Variants in COLGALT1 observed in about 807,000 individuals in gnomAD.
COLGALT1 encodes the protein collagen beta(1-O)galactosyltransferase 1, also known as procollagen galactosyltransferase 1.
In COLGALT1, 43 loss-of-function variants were observed where a neutral mutation model predicts 60.8. The ratio of observed to expected loss-of-function variants is 0.71; its 90% CI spans 0.55 to 0.91. The LOEUF (loss-of-function observed/expected upper bound fraction) is 0.91. Among genes scored for constraint, COLGALT1 ranks in the 40% least tolerant of loss-of-function variants. COLGALT1 has a pLI of 0.00. For synonymous variants in COLGALT1, 369 were observed against 374.2 expected, an observed-to-expected ratio of 0.99 and a Z score of 0.16; for missense variants, 845 against 880.0, an observed-to-expected ratio of 0.96 and a Z score of 0.50.
At chr19:17,574,615 T>A (rs1238610192) in intron 6 of COLGALT1, among the ~76,000 whole-genome samples, 2 of 152,042 alleles carry the variant, frequency 1.3e-5, no homozygotes, top group Non-Finnish European at 2.9e-5. Context: ...CAGGCGTGTG[T>A]CACTGCGCCT....
In COLGALT1 at chr19:17,572,611, G is replaced by A. The variant is rs963756273; in HGVS notation, c.949+9G>A. Reference sequence around the variant, plus strand: ...GCAGCTGGAGGTCATGGGTGAGTCTGCCTGCACACCGCCCTGGGAGGTGCC... The same window carrying A: ...GCAGCTGGAGGTCATGGGTGAGTCTACCTGCACACCGCCCTGGGAGGTGCC... On this transcript the variant is annotated intron_variant, in intron 6 of 11. Transcript: ENST00000252599. 2.4e-5 allele frequency: 39 copies of A among 1,613,518 alleles called. No individual in the cohort carries two copies. Among genetic ancestry groups the A allele is most frequent in the South Asian group, 8.8e-5 (8 of 91,094 alleles).
intron 6 of COLGALT1, among the ~76,000 whole-genome samples, 180 bp downstream of exon 6, chr19:17,572,782 G>C (rs2076320673): frequency 6.6e-6 from 1 of 152,244 alleles, no homozygotes; most frequent in Admixed American, 6.5e-5. Flanking sequence ...ACAGAGTGCT[G>C]GTTTGCAGGT....
rs977052481 is a variant in COLGALT1 at position 17,577,564 on chromosome 19, G to A, written c.1133+97G>A. On this transcript the variant is annotated intron_variant, in intron 8 of 11. Transcript: ENST00000252599. The stretch of plus-strand genomic sequence containing the variant: ...GCAAGTGATTCAGATGGGGGCGGGC[G>A]TGGTGTCCAAACAGATGTAGACCTC... 5.6e-5 allele frequency: 65 copies of A among 1,158,684 alleles called. No individual in the cohort carries two copies. The African/African-American group carries it at 6.4e-4, about 11-fold the overall frequency. 71.8% of individuals were successfully genotyped at this position (1,158,684 alleles called of 1,614,324 possible).
intron 5 of COLGALT1, 90 bp from the exon 6 acceptor site, chr19:17,572,393 G>A (rs761960452): frequency 5.7e-6 from 9 of 1,592,108 alleles, no homozygotes; most frequent in East Asian, 2.2e-5. Flanking sequence ...ATCCTCCTGC[G>A]TTGGCCTCCT....
intron 3 of COLGALT1, among the ~76,000 whole-genome samples, chr19:17,564,703 C>T (rs2076270503): frequency 6.6e-6 from 1 of 152,146 alleles, no homozygotes; most frequent in African/African-American, 2.4e-5. Flanking sequence ...AGGCGTGAGC[C>T]ACCGCCCCTG....
chr19:17,577,003 T>TGAGAGGAAG, intron 6 of COLGALT1, 192 bp from the exon 7 acceptor site: 1 of 587,590 alleles, frequency 1.7e-6, no homozygotes, highest in Non-Finnish European at 3.0e-6. Context: ...TGGCCAGGGC[T>TGAGAGGAAG]TTGGGCTGCT....
At chr19:17,561,631 C>CA (rs11332403) in intron 3 of COLGALT1, among the ~76,000 whole-genome samples, 1,398 of 72,562 alleles carry the variant, frequency 0.019, 65 homozygotes, top group East Asian at 0.033. Flanking sequence ...GACTCTGTCT[C>CA]AAAAAAAAAA....
At chr19:17,580,985 C>A in intron 11 of COLGALT1, 80 bp downstream of exon 11, 1 of 1,535,022 alleles carries the variant, frequency 6.5e-7, no homozygotes, top group Non-Finnish European at 8.9e-7. Context: ...GACTCACGGC[C>A]TCCGAGAAGA....
In COLGALT1 at chr19:17,555,680, G is replaced by A. The variant is rs2076205445; in HGVS notation, c.-34G>A. 2.5e-6 allele frequency: 3 copies of A among 1,177,852 alleles called. No homozygotes were observed. The highest frequency in any genetic ancestry group is 9.1e-5 in the Admixed American group (2 of 21,904). 73.0% of individuals were successfully genotyped at this position (1,177,852 alleles called of 1,614,324 possible). A position where few individuals can be genotyped will look rare whatever the true frequency, so the allele number is the denominator to read the frequency against. On this transcript the variant is annotated 5_prime_UTR_variant, in exon 1 of 12. Transcript: ENST00000252599. Reference sequence around the variant, plus strand: ...TTTAAGGCGCGGCCAGAGTCCTCCCGCAGAAAAACGACTTAAAGGAGACGC... The same window carrying A: ...TTTAAGGCGCGGCCAGAGTCCTCCCACAGAAAAACGACTTAAAGGAGACGC...
At chr19:17,577,054 A>C in intron 6 of COLGALT1, 141 bp from the exon 7 acceptor site, 2 of 640,154 alleles carry the variant, frequency 3.1e-6, no homozygotes, top group Non-Finnish European at 5.3e-6. Flanking sequence ...CCTAGAGGGC[A>C]GCGCTGATGT....
intron 6 of COLGALT1, among the ~76,000 whole-genome samples, chr19:17,573,713 A>T (rs1199660445): frequency 4.6e-5 from 7 of 152,018 alleles, no homozygotes; most frequent in South Asian, 4.2e-4. Flanking sequence ...ATAATAATAA[A>T]AAATAATTAT....
At position 17,555,899 on chromosome 19, in the gene COLGALT1, C is replaced by T. The variant is rs563277874; in HGVS notation, c.186C>T (p.Asn62=). Residue 62 remains asparagine, a synonymous_variant, in exon 1 of 12, where the codon AAC becomes AAT. Transcript: ENST00000252599. The part of the protein sequence containing the change: ...PRVLIALLAR[N]AAHALPTTLG... ...TGCTCATCGCGCTGTTGGCGCGAAA[C>T]GCGGCCCACGCGTTGCCCACCACGC... is the stretch of plus-strand genomic sequence containing the variant. 10 of 1,393,528 alleles carry T rather than the reference C, an allele frequency of 7.2e-6. No individual in the cohort carries two copies. The African/African-American group carries it at 1.2e-4, about 17-fold the overall frequency. 86.3% of individuals were successfully genotyped at this position (1,393,528 alleles called of 1,614,324 possible).
At position 17,555,982 on chromosome 19, in the gene COLGALT1, AG is replaced by A. The variant is rs2076208447; in HGVS notation, c.260+10del. On this transcript the variant is annotated intron_variant, in intron 1 of 11. Coordinates refer to ENST00000252599, the MANE Select transcript of COLGALT1 (RefSeq NM_024656.4). The stretch of plus-strand genomic sequence containing the variant: ...GAGCGCACGGCGCTATGGTGAGTCG[AG>A]CCCGCTGTCCCCATCAGGCGGGTCA... 4 of 1,328,900 alleles carry A rather than the reference AG, an allele frequency of 3.0e-6. No individual in the cohort carries two copies. The highest frequency in any genetic ancestry group is 3.1e-5 in the East Asian group (1 of 31,996). The allele number at this position is 1,328,900 out of a possible 1,614,324, so 82.3% of individuals were successfully genotyped here. A position where few individuals can be genotyped will look rare whatever the true frequency, so the allele number is the denominator to read the frequency against.
intron 4 of COLGALT1, 144 bp downstream of exon 4, chr19:17,567,684 AC>A: frequency 1.1e-6 from 1 of 880,128 alleles, no homozygotes. Context: ...CACACCTGTA[AC>A]CCCAGCACTT....
At chr19:17,567,625 C>T (rs886300126) in intron 4 of COLGALT1, 85 bp downstream of exon 4, 13 of 1,443,606 alleles carry the variant, frequency 9.0e-6, no homozygotes, top group South Asian at 2.5e-5. Context: ...CACACAACCT[C>T]GTGGTGTGTG....
At chr19:17,578,140 G>A (rs780735696) in intron 9 of COLGALT1, 51 bp downstream of exon 9, 9 of 1,495,186 alleles carry the variant, frequency 6.0e-6, no homozygotes, top group African/African-American at 2.8e-5. Context: ...AGATCTCATC[G>A]GAGATTTGGA....
At position 17,574,863 on chromosome 19, in the gene COLGALT1, C is replaced by G. The variant is rs114192308; in HGVS notation, c.949+2261C>G. ...AAGTTCTCACATATATTTGTGTTGTCATTTCCTTTTTTTGAGACAGAGTCT... is the reference window on the plus strand; with the variant it reads ...AAGTTCTCACATATATTTGTGTTGTGATTTCCTTTTTTTGAGACAGAGTCT... On this transcript the variant is annotated intron_variant, in intron 6 of 11. Transcript: ENST00000252599. Among the ~76,000 whole-genome samples, 331 of 151,836 alleles carry G rather than the reference C, an allele frequency of 2.2e-3. 1 individual carries two copies. The highest frequency in any genetic ancestry group is 7.9e-3 in the African/African-American group (327 of 41,404).
chr19:17,563,794 A>G (rs2076263674), intron 3 of COLGALT1, among the ~76,000 whole-genome samples: 1 of 152,106 alleles, frequency 6.6e-6, no homozygotes, highest in African/African-American at 2.4e-5. Flanking sequence ...GCGCCTGGTC[A>G]CAAAATTATA....
rs554796103 is a variant in COLGALT1, at chr19:17,573,361, A to T, written c.949+759A>T. Reference sequence around the variant, plus strand: ...ACCAACATGGTGAAACCCTGTCTCTACTAAAAATACAAAAAAAATTAGCTG... The same window carrying T: ...ACCAACATGGTGAAACCCTGTCTCTTCTAAAAATACAAAAAAAATTAGCTG... On this transcript the variant is annotated intron_variant, in intron 6 of 11. Transcript: ENST00000252599. Among the ~76,000 whole-genome samples the T allele has an allele frequency of 7.9e-5, 12 of 152,246 alleles. 1 individual carries two copies. The South Asian group carries it at 2.5e-3, about 32-fold the overall frequency.
Sources: allele counts gnomAD v4.1 joint callset (sites outside exome capture counted in the v4.1 genomes callset), GRCh38; gene constraint gnomAD v4.1.1; transcripts MANE v1.5; gene names NCBI Gene and HGNC (gene_info 2026-07-23, HGNC 2026-07-21).